ABCB10: variants seen among roughly 807,000 people sequenced by gnomAD.
ABCB10 encodes the protein ATP-binding cassette sub-family B member 10, mitochondrial.
ABCB10 carries 54 observed loss-of-function variants against 65.4 expected under a neutral mutation model. That is an observed-to-expected ratio of 0.83 (90% CI 0.66 to 1.04). The LOEUF (loss-of-function observed/expected upper bound fraction) is 1.04, where lower values mean the gene tolerates loss of function less well. Ranked by LOEUF, ABCB10 falls within the 50% of genes least tolerant of loss-of-function variation. ABCB10 has a pLI of 0.00. For missense variants in ABCB10, 846 were observed against 976.6 expected, an observed-to-expected ratio of 0.87 and a Z score of 1.78; for synonymous variants, 418 against 406.5, an observed-to-expected ratio of 1.03 and a Z score of -0.34.
chr1:229,546,844 A>C (rs1327326615), intron 3 of ABCB10, among the ~76,000 whole-genome samples: 10 of 152,162 alleles, frequency 6.6e-5, no homozygotes, highest in Non-Finnish European at 5.9e-5. Context: ...TGATCTTGCC[A>C]CTGTACTCCA....
At chr1:229,550,256 T>A (rs1663075379) in intron 1 of ABCB10, among the ~76,000 whole-genome samples, 1 of 152,184 alleles carries the variant, frequency 6.6e-6, no homozygotes, top group South Asian at 2.1e-4. Context: ...CTTGGCACAG[T>A]GGCTCATGCC....
intron 6 of ABCB10, among the ~76,000 whole-genome samples, chr1:229,534,123 A>G (rs376637864): frequency 5.9e-5 from 9 of 152,372 alleles, no homozygotes; most frequent in East Asian, 5.8e-4. Flanking sequence ...AGTCCTGAAC[A>G]GACAACTCAC....
At chr1:229,523,250 T>G (rs1049738372) in intron 10 of ABCB10, among the ~76,000 whole-genome samples, 1 of 152,138 alleles carries the variant, frequency 6.6e-6, no homozygotes, top group African/African-American at 2.4e-5. Context: ...TCTCACCCCA[T>G]CCTCCCTCCT....
chr1:229,524,236 C>G (rs1662379828), intron 10 of ABCB10, among the ~76,000 whole-genome samples: 2 of 152,006 alleles, frequency 1.3e-5, no homozygotes, highest in South Asian at 4.2e-4. Context: ...TCCCAGCTCA[C>G]TGCAACCTCT....
chr1:229,551,346 C>T (rs1288628751), intron 1 of ABCB10, among the ~76,000 whole-genome samples: 1 of 152,206 alleles, frequency 6.6e-6, no homozygotes, highest in Non-Finnish European at 1.5e-5. Context: ...TCCTACCTTT[C>T]AGCATTCTAA....
intron 5 of ABCB10, 33 bp downstream of exon 5, chr1:229,540,573 C>T (rs371187300): frequency 6.3e-7 from 1 of 1,576,842 alleles, no homozygotes; most frequent in Admixed American, 1.8e-5. Context: ...CTAACATTTG[C>T]CAATTTTACT....
At chr1:229,543,161 C>T (rs1037051577) in intron 3 of ABCB10, among the ~76,000 whole-genome samples, 2 of 150,062 alleles carry the variant, frequency 1.3e-5, no homozygotes, top group Non-Finnish European at 3.0e-5. Flanking sequence ...CAGCACATTG[C>T]ATAACAGTCA....
intron 2 of ABCB10, among the ~76,000 whole-genome samples, chr1:229,548,851 C>T (rs1558128466): frequency 1.3e-5 from 2 of 151,842 alleles, no homozygotes; most frequent in African/African-American, 2.4e-5. Context: ...CTAGTAGAGA[C>T]GGGGTTTCAC....
chr1:229,521,511 C>CA, intron 11 of ABCB10, 81 bp downstream of exon 11: 2 of 1,436,040 alleles, frequency 1.4e-6, no homozygotes, highest in Non-Finnish European at 1.9e-6. Flanking sequence ...AGGAAGAAGA[C>CA]AAATAGTAAA....
At chr1:229,533,562 T>C (rs1558122841) in intron 6 of ABCB10, among the ~76,000 whole-genome samples, 1 of 152,192 alleles carries the variant, frequency 6.6e-6, no homozygotes, top group African/African-American at 2.4e-5. Flanking sequence ...TTATGCAAGA[T>C]ACAATGGACT....
At position 229,539,535 on chromosome 1, in the gene ABCB10, C is replaced by T. The variant is rs750758855; in HGVS notation, c.1260G>A (p.Leu420=). 9.3e-6 allele frequency: 15 copies of T among 1,614,008 alleles called. No individual in the cohort carries two copies. The South Asian group carries it at 1.6e-4, about 18-fold the overall frequency. Residue 420 remains leucine, a synonymous_variant, in exon 6 of 13, where the codon CTG becomes CTA. Coordinates refer to ENST00000344517, the MANE Select transcript of ABCB10 (RefSeq NM_012089.3). ...VLSVLYKGGL[L]MGSAHMTVGE... ...CCACGGTCATGTGGGCACTGCCCAT[C>T]AGCAGCCCTCCTTTGTACAGGACAG... is the stretch of plus-strand genomic sequence containing the variant.
Position 229,547,671 on chromosome 1 carries a change from G to T in ABCB10, c.749C>A (p.Ser250Ter). 6.2e-7 allele frequency: 1 copy of T among 1,614,236 alleles called. No individual in the cohort carries two copies. Among genetic ancestry groups the T allele is most frequent in the Non-Finnish European group, 8.5e-7 (1 of 1,180,040 alleles). ...GQRIVNRLRT[S>*]LFSSILRQEV... ...CTGCCTCAGAATGGAGGAGAATAATGAAGTTCTCAGCCTATTCACAATGCG... is the reference window on the plus strand; with the variant it reads ...CTGCCTCAGAATGGAGGAGAATAATTAAGTTCTCAGCCTATTCACAATGCG... The change falls in exon 3 of 13, where the codon TCA becomes TAA. Residue 250 changes from serine to a stop codon, truncating the protein, a stop_gained. Coordinates refer to ENST00000344517, the MANE Select transcript of ABCB10 (RefSeq NM_012089.3). LOFTEE classifies it high-confidence loss of function.
In ABCB10 at chr1:229,522,188, T is replaced by C. The variant is rs1662331480; in HGVS notation, c.1907-553A>G. ...CCAGGCATTTTCTATATGCACTGCA[T>C]GTATTATCTCATTTAATGTTTTTAT... On this transcript the variant is annotated intron_variant, in intron 10 of 12. Coordinates refer to ENST00000344517, the MANE Select transcript of ABCB10 (RefSeq NM_012089.3). Among the ~76,000 whole-genome samples the C allele has an allele frequency of 2.6e-5, 4 of 151,996 alleles. No homozygotes were observed. In the South Asian group the frequency reaches 8.3e-4, roughly 31 times the overall value.
intron 1 of ABCB10, among the ~76,000 whole-genome samples, chr1:229,556,938 G>C (rs1287919451): frequency 2.0e-5 from 3 of 152,182 alleles, no homozygotes; most frequent in African/African-American, 7.2e-5. Context: ...TCAAAGTCCA[G>C]TGAGAGCTCC....
intron 11 of ABCB10, among the ~76,000 whole-genome samples, chr1:229,520,534 A>G (rs909363992): frequency 6.6e-6 from 1 of 151,908 alleles, no homozygotes; most frequent in Non-Finnish European, 1.5e-5. Context: ...AAAAGAGACT[A>G]ATCTGATGTA....
At chr1:229,535,450 A>G (rs373820278) in intron 6 of ABCB10, among the ~76,000 whole-genome samples, 17 of 152,330 alleles carry the variant, frequency 1.1e-4, no homozygotes, top group African/African-American at 3.6e-4. Context: ...CCTTAAATGC[A>G]TATTTCTGTG....
chr1:229,554,037 T>C (rs1477891949), intron 1 of ABCB10, among the ~76,000 whole-genome samples: 1 of 152,214 alleles, frequency 6.6e-6, no homozygotes, highest in Non-Finnish European at 1.5e-5. Flanking sequence ...CTGCAGTCTC[T>C]CTCACTGAAC....
At chr1:229,540,362 G>T (rs866158822) in intron 5 of ABCB10, among the ~76,000 whole-genome samples, 1 of 152,214 alleles carries the variant, frequency 6.6e-6, no homozygotes, top group Admixed American at 6.5e-5. Context: ...AGCTGATGCC[G>T]CTGGCCTGCA....
chr1:229,554,955 G>C (rs935961261), intron 1 of ABCB10, among the ~76,000 whole-genome samples: 2 of 152,130 alleles, frequency 1.3e-5, no homozygotes, highest in Non-Finnish European at 2.9e-5. Flanking sequence ...CTGCCAGCAG[G>C]CTTCAGGTTC....
Sources: gnomAD v4.1 joint callset for allele counts (sites outside exome capture counted in the v4.1 genomes callset) on GRCh38, gnomAD v4.1.1 for gene constraint, MANE v1.5 for transcripts, NCBI Gene and HGNC (gene_info 2026-07-23, HGNC 2026-07-21) for gene names.